PRKAG2: variants seen among roughly 807,000 people sequenced by gnomAD.
PRKAG2 encodes 5'-AMP-activated protein kinase subunit gamma-2.
PRKAG2 carries 26 observed loss-of-function variants against 69.6 expected under a neutral mutation model. The ratio of observed to expected loss-of-function variants is 0.37; its 90% CI spans 0.27 to 0.52. PRKAG2 has a LOEUF of 0.52. Among genes scored for constraint, PRKAG2 ranks in the 20% least tolerant of loss-of-function variants. The pLI, the probability that PRKAG2 is intolerant of heterozygous loss-of-function variation, is 0.90. For synonymous variants in PRKAG2, 293 were observed against 285.0 expected (o/e 1.03, Z -0.28); for missense variants, 557 against 740.0 (o/e 0.75, Z 2.87).
At chr7:151,725,689 G>C (rs1441993123) in intron 3 of PRKAG2, among the ~76,000 whole-genome samples, 1 of 152,054 alleles carries the variant, frequency 6.6e-6, no homozygotes, top group Non-Finnish European at 1.5e-5. Flanking sequence ...ATTATATACA[G>C]ACAGTTCATA....
At chr7:151,558,049 G>C in intron 15 of PRKAG2, 2 of 985,354 alleles carry the variant, frequency 2.0e-6, no homozygotes, top group Non-Finnish European at 2.4e-6. Context: ...CTAGACCCCT[G>C]AAAGAGATCG....
chr7:151,859,601 G>A (rs928437862), intron 1 of PRKAG2, among the ~76,000 whole-genome samples: 5 of 152,162 alleles, frequency 3.3e-5, no homozygotes, highest in Admixed American at 2.6e-4. Context: ...GGCGGCAGCT[G>A]CCTGAGGCTG....
intron 7 of PRKAG2, chr7:151,576,147 C>A: frequency 1.8e-6 from 1 of 561,694 alleles, no homozygotes; most frequent in Non-Finnish European, 3.2e-6. Flanking sequence ...TGCTATGTTG[C>A]CCAGGCTGGC....
chr7:151,751,515 A>ATTTT (rs1358112467), intron 3 of PRKAG2, among the ~76,000 whole-genome samples: 1 of 150,016 alleles, frequency 6.7e-6, no homozygotes, highest in Non-Finnish European at 1.5e-5. Context: ...TTATTTATTT[A>ATTTT]TTTATTTTTT....
At chr7:151,601,868 TG>T (rs1260825353) in intron 5 of PRKAG2, among the ~76,000 whole-genome samples, 1 of 152,222 alleles carries the variant, frequency 6.6e-6, no homozygotes, top group Non-Finnish European at 1.5e-5. Flanking sequence ...GGACAGTGAC[TG>T]TCATCACACT....
At chr7:151,840,379 T>A (rs1244008502) in intron 1 of PRKAG2, among the ~76,000 whole-genome samples, 1 of 152,102 alleles carries the variant, frequency 6.6e-6, no homozygotes, top group East Asian at 1.9e-4. Flanking sequence ...CATGCACCAG[T>A]TAGTTACTCA....
At position 151,805,324 on chromosome 7, in the gene PRKAG2, C is replaced by T. The variant is rs74493596; in HGVS notation, c.115-18783G>A. ...CTGCACGGATGGAGAAACAGCTGCA[C>T]GGCCAGCCCCAGGGAGTGATGTGAG... is the stretch of plus-strand genomic sequence containing the variant. On this transcript the variant is annotated intron_variant, in intron 1 of 15. Transcript: ENST00000287878. Among the ~76,000 whole-genome samples the T allele has an allele frequency of 1.9e-3, 283 of 152,258 alleles. 1 individual carries two copies. Among genetic ancestry groups the T allele is most frequent in the African/African-American group, 5.7e-3 (238 of 41,548 alleles).
At chr7:151,838,818 A>C (rs148046412) in intron 1 of PRKAG2, among the ~76,000 whole-genome samples, 6 of 151,726 alleles carry the variant, frequency 4.0e-5, no homozygotes, top group South Asian at 2.1e-4. Context: ...AGTTAGAGAC[A>C]AGCCTGGCCA....
intron 1 of PRKAG2, among the ~76,000 whole-genome samples, chr7:151,852,599 C>G (rs2079598861): frequency 6.6e-6 from 1 of 152,036 alleles, no homozygotes; most frequent in Non-Finnish European, 1.5e-5. Context: ...GGTAAGCACC[C>G]CATTGTTAAT....
Position 151,628,132 on chromosome 7 carries a change from A to G in PRKAG2, c.754+3937T>C, listed in dbSNP as rs540550751. Among the ~76,000 whole-genome samples, 24 of 152,336 alleles carry G rather than the reference A, an allele frequency of 1.6e-4. No homozygotes were observed. In the South Asian group the frequency reaches 5.0e-3, roughly 32 times the overall value. On this transcript the variant is annotated intron_variant, in intron 5 of 15. Coordinates refer to ENST00000287878, the MANE Select transcript of PRKAG2 (RefSeq NM_016203.4). Reference sequence around the variant, plus strand: ...ACCACAGCAAGTTATCAAAAACTTGAAAGAGCCCAGCTCCTCCGGCAGCTG... The same window carrying G: ...ACCACAGCAAGTTATCAAAAACTTGGAAGAGCCCAGCTCCTCCGGCAGCTG...
intron 3 of PRKAG2, among the ~76,000 whole-genome samples, chr7:151,755,882 T>C (rs1187995702): frequency 2.6e-5 from 4 of 152,236 alleles, no homozygotes; most frequent in Admixed American, 2.0e-4. Context: ...CAACTCACTT[T>C]AGCAGTTGCT....
At chr7:151,617,383 G>A (rs987194576) in intron 5 of PRKAG2, among the ~76,000 whole-genome samples, 2 of 151,926 alleles carry the variant, frequency 1.3e-5, no homozygotes, top group Non-Finnish European at 2.9e-5. Context: ...AATAATCCGA[G>A]TGTGGGGAAG....
chr7:151,863,412 G>A (rs1001043699), intron 1 of PRKAG2, among the ~76,000 whole-genome samples: 3 of 152,048 alleles, frequency 2.0e-5, no homozygotes, highest in African/African-American at 4.8e-5. Context: ...AACTCTGAAG[G>A]GTCATCCCAG....
rs1478998993 is a variant in PRKAG2 at position 151,719,201 on chromosome 7, T to C, written c.467-43564A>G. Among the ~76,000 whole-genome samples, 5 of 152,142 alleles carry C rather than the reference T, an allele frequency of 3.3e-5. No individual in the cohort carries two copies. Among genetic ancestry groups the C allele is most frequent in the South Asian group, 4.2e-4 (2 of 4,790 alleles). ...GTGGAAGTGCAGACAGAAAGCCCCA[T>C]GGCAGAAGGGAGAGAGGTCCTGCCC... is the stretch of plus-strand genomic sequence containing the variant. On this transcript the variant is annotated intron_variant, in intron 3 of 15. Transcript: ENST00000287878. The surrounding 1 kb of genome is among the most constrained non-coding windows in gnomAD (Gnocchi z 5.2).
intron 9 of PRKAG2, among the ~76,000 whole-genome samples, chr7:151,571,846 C>T (rs965442244): frequency 2.0e-5 from 3 of 152,196 alleles, no homozygotes; most frequent in Non-Finnish European, 4.4e-5. Flanking sequence ...ACAAAGGTTG[C>T]TTCTCCTATC....
intron 3 of PRKAG2, among the ~76,000 whole-genome samples, chr7:151,752,453 A>G (rs1003160903): frequency 1.5e-4 from 23 of 152,222 alleles, no homozygotes; most frequent in Non-Finnish European, 1.5e-5. Context: ...ACTATTGGGT[A>G]CTGAGCCTAA....
intron 3 of PRKAG2, among the ~76,000 whole-genome samples, chr7:151,773,847 T>C (rs1207758338): frequency 6.6e-6 from 1 of 152,202 alleles, no homozygotes; most frequent in Admixed American, 6.5e-5. Context: ...ATAATTCTTG[T>C]GGCACAAGGT....
In PRKAG2 at chr7:151,874,480, TATGTATATG is replaced by T. The variant is rs1359098535; in HGVS notation, c.114+2018_114+2026del. ...TGTATATGTATATGTATATGATGTA[TATGTATATG>T]ATGTATATGTATATGATGTATATGT... On this transcript the variant is annotated intron_variant, in intron 1 of 15. Transcript: ENST00000287878. Among the ~76,000 whole-genome samples the T allele has an allele frequency of 2.6e-3, 232 of 90,246 alleles. 16 individuals carry two copies. The highest frequency in any genetic ancestry group is 0.011 in the South Asian group (30 of 2,848). 59.2% of individuals were successfully genotyped at this position (90,246 alleles called of 152,430 possible).
At chr7:151,737,443 T>C (rs1223023513) in intron 3 of PRKAG2, among the ~76,000 whole-genome samples, 2 of 152,140 alleles carry the variant, frequency 1.3e-5, no homozygotes, top group African/African-American at 4.8e-5. Flanking sequence ...GAGGAGACTA[T>C]GTCAGACCAG....
Sources: allele counts gnomAD v4.1 joint callset (sites outside exome capture counted in the v4.1 genomes callset), GRCh38; gene constraint gnomAD v4.1.1; non-coding constraint Gnocchi (gnomAD v3.1); transcripts MANE v1.5; gene names NCBI Gene and HGNC (gene_info 2026-07-23, HGNC 2026-07-21).